Variants in CSMD1 observed in about 807,000 individuals in gnomAD.
CSMD1 encodes the protein CUB and sushi domain-containing protein 1.
A neutral mutation model predicts 417.5 loss-of-function variants in CSMD1; 213 were observed. The ratio of observed to expected loss-of-function variants is 0.51; its 90% CI spans 0.46 to 0.57. CSMD1 has a LOEUF of 0.57. CSMD1 is among the 20% of genes least tolerant of loss of function. The probability of loss-of-function intolerance (pLI) is 0.00; values close to 1 mark genes in which losing one functional copy is unlikely to be tolerated. For synonymous variants in CSMD1, 2,862 were observed against 1,736.8 expected (o/e 1.65, Z -16.11); for missense variants, 6,923 against 4,529.7 (o/e 1.53, Z -15.17).
intron 26 of CSMD1, among the ~76,000 whole-genome samples, chr8:3,236,665 A>G (rs1335280496): frequency 2.0e-5 from 3 of 152,230 alleles, no homozygotes; most frequent in African/African-American, 7.2e-5. Flanking sequence ...TTGGCAGAGC[A>G]CGCTGTCATT....
At chr8:3,453,887 G>T (rs866868346) in intron 12 of CSMD1, among the ~76,000 whole-genome samples, 3 of 152,148 alleles carry the variant, frequency 2.0e-5, no homozygotes, top group African/African-American at 7.2e-5. Flanking sequence ...CTGTCTTGTT[G>T]AAATGTCTGA....
At chr8:3,492,549 T>C (rs974880497) in intron 11 of CSMD1, among the ~76,000 whole-genome samples, 1 of 132,626 alleles carries the variant, frequency 7.5e-6, no homozygotes, top group Non-Finnish European at 1.5e-5. Flanking sequence ...TAAGAGCAGG[T>C]ATTTCCTTTC....
intron 7 of CSMD1, among the ~76,000 whole-genome samples, chr8:3,671,142 T>C (rs1049151406): frequency 1.9e-4 from 28 of 147,470 alleles, no homozygotes; most frequent in African/African-American, 6.9e-4. Context: ...ATGGGATATA[T>C]GTATATGGGA....
At chr8:3,340,279 G>A (rs1018441445) in intron 23 of CSMD1, among the ~76,000 whole-genome samples, 7 of 152,162 alleles carry the variant, frequency 4.6e-5, no homozygotes, top group African/African-American at 7.2e-5. Flanking sequence ...TATTTCCCAA[G>A]ACCTGGAATT....
At chr8:3,807,935 G>A (rs1203015827) in intron 5 of CSMD1, among the ~76,000 whole-genome samples, 1 of 152,142 alleles carries the variant, frequency 6.6e-6, no homozygotes, top group Non-Finnish European at 1.5e-5. Context: ...TAATTTTTGA[G>A]GCTAGGTGGC....
At chr8:4,455,165 A>G (rs554152056) in intron 2 of CSMD1, among the ~76,000 whole-genome samples, 1 of 152,272 alleles carries the variant, frequency 6.6e-6, no homozygotes, top group South Asian at 2.1e-4. Flanking sequence ...GGAAAATGGT[A>G]TTTCAGAATT....
In CSMD1 at chr8:3,391,124, A is replaced by T. The variant is rs550746676; in HGVS notation, c.2594-3442T>A. On this transcript the variant is annotated intron_variant, in intron 17 of 69. Coordinates refer to ENST00000635120, the MANE Select transcript of CSMD1 (RefSeq NM_033225.6). ...TTGCATCCAGTACCATTACATCCCGACCACTCTCCTTTCCTTTTCTGATCA... is the reference window on the plus strand; with the variant it reads ...TTGCATCCAGTACCATTACATCCCGTCCACTCTCCTTTCCTTTTCTGATCA... Among the ~76,000 whole-genome samples the T allele has an allele frequency of 3.3e-5, 5 of 152,194 alleles. No individual in the cohort carries two copies. The South Asian group carries it at 1.0e-3, about 32-fold the overall frequency.
At chr8:3,995,028 G>A (rs966001332) in intron 5 of CSMD1, among the ~76,000 whole-genome samples, 21 of 152,072 alleles carry the variant, frequency 1.4e-4, no homozygotes, top group Admixed American at 3.9e-4. Context: ...AATGCTCCCC[G>A]TCCCTGTCTA....
intron 7 of CSMD1, among the ~76,000 whole-genome samples, chr8:3,622,093 A>T (rs983649568): frequency 6.6e-6 from 1 of 151,916 alleles, no homozygotes; most frequent in African/African-American, 2.4e-5. Flanking sequence ...CACAGTCTGC[A>T]CTATGTGCTG....
At chr8:3,179,543 C>T (rs1337249889) in intron 37 of CSMD1, among the ~76,000 whole-genome samples, 1 of 152,092 alleles carries the variant, frequency 6.6e-6, no homozygotes, top group Non-Finnish European at 1.5e-5. Flanking sequence ...ATTGATGGGG[C>T]TGAAGCCCAG....
At chr8:3,486,033 G>T (rs1365414565) in intron 11 of CSMD1, among the ~76,000 whole-genome samples, 1 of 152,034 alleles carries the variant, frequency 6.6e-6, no homozygotes, top group Admixed American at 6.5e-5. Context: ...AGTTCTCCTT[G>T]TCTTCACTTG....
At chr8:4,361,651 A>T (rs990118304) in intron 3 of CSMD1, among the ~76,000 whole-genome samples, 1 of 152,052 alleles carries the variant, frequency 6.6e-6, no homozygotes, top group African/African-American at 2.4e-5. Context: ...TTTTTCCTTA[A>T]AGAAGTTTCC....
rs35460301 is a variant in CSMD1 at position 3,315,437 on chromosome 8, A to AGT, written c.3632-6936_3632-6935dup. Among the ~76,000 whole-genome samples, 819 of 124,134 alleles carry AGT rather than the reference A, an allele frequency of 6.6e-3. 4 individuals are homozygous for AGT. Among genetic ancestry groups the AGT allele is most frequent in the African/African-American group, 0.015 (559 of 37,382 alleles). 81.4% of individuals were successfully genotyped at this position (124,134 alleles called of 152,430 possible). A position where few individuals can be genotyped will look rare whatever the true frequency, so the allele number is the denominator to read the frequency against. On this transcript the variant is annotated intron_variant, in intron 23 of 69. Coordinates refer to ENST00000635120, the MANE Select transcript of CSMD1 (RefSeq NM_033225.6). Reference sequence around the variant, plus strand: ...CAAGAATGAAATTCTAGGTGAAGTGAGTGTGTGTGTGTGTGTGTGTGTGTG... The same window carrying AGT: ...CAAGAATGAAATTCTAGGTGAAGTGAGTGTGTGTGTGTGTGTGTGTGTGTGTG...
At chr8:3,603,654 C>T (rs1052818168) in intron 8 of CSMD1, among the ~76,000 whole-genome samples, 3 of 152,126 alleles carry the variant, frequency 2.0e-5, no homozygotes, top group African/African-American at 4.8e-5. Flanking sequence ...TTTTTTCCAA[C>T]AAGAAACCAA....
At chr8:3,954,525 C>T (rs1018136573) in intron 5 of CSMD1, among the ~76,000 whole-genome samples, 1 of 152,048 alleles carries the variant, frequency 6.6e-6, no homozygotes, top group African/African-American at 2.4e-5. Context: ...CACCACCACT[C>T]CCAGATAATT....
rs1801017528 is a variant in CSMD1 at position 4,350,286 on chromosome 8, G to A, written c.415+69667C>T. ...TCACTCTAGGGGACGCCAACTGCAG[G>A]TGACTGTGCTGTCTACTTGAGGTCT... On this transcript the variant is annotated intron_variant, in intron 3 of 69. Transcript: ENST00000635120. Among the ~76,000 whole-genome samples, 7 of 152,180 alleles carry A rather than the reference G, an allele frequency of 4.6e-5. No homozygotes were observed. The South Asian group carries it at 1.4e-3, about 31-fold the overall frequency.
intron 6 of CSMD1, among the ~76,000 whole-genome samples, chr8:3,732,531 G>C (rs999387878): frequency 6.6e-6 from 1 of 151,788 alleles, no homozygotes; most frequent in Non-Finnish European, 1.5e-5. Flanking sequence ...CTGAGACTCT[G>C]TATAATTTCT....
intron 48 of CSMD1, among the ~76,000 whole-genome samples, chr8:3,089,644 C>G (rs1457556738): frequency 6.6e-6 from 1 of 152,130 alleles, no homozygotes; most frequent in African/African-American, 2.4e-5. Context: ...ATTACTGATG[C>G]TGACCTAGCA....
At chr8:4,537,437 T>C (rs1797155508) in intron 2 of CSMD1, among the ~76,000 whole-genome samples, 1 of 152,214 alleles carries the variant, frequency 6.6e-6, no homozygotes, top group African/African-American at 2.4e-5. Context: ...ATTATTGTTA[T>C]TGTTATTAAA....
Sources: allele counts gnomAD v4.1 joint callset (sites outside exome capture counted in the v4.1 genomes callset), GRCh38; gene constraint gnomAD v4.1.1; transcripts MANE v1.5; gene names NCBI Gene and HGNC (gene_info 2026-07-23, HGNC 2026-07-21).